The following TMED10 variants were observed in gnomAD, a reference collection of about 807,000 sequenced individuals.
TMED10 encodes transmembrane emp24 domain-containing protein 10.
In TMED10, 7 loss-of-function variants were observed where a neutral mutation model predicts 23.1. The ratio of observed to expected loss-of-function variants is 0.30; its 90% CI spans 0.17 to 0.57. TMED10 has a LOEUF of 0.57. Ranked by LOEUF, TMED10 falls within the 20% of genes least tolerant of loss-of-function variation. TMED10 has a pLI of 0.91. For synonymous variants in TMED10, 113 were observed against 106.9 expected (o/e 1.06, Z -0.35); for missense variants, 162 against 274.8 (o/e 0.59, Z 2.90).
chr14:75,176,426 G>T lies in TMED10; in HGVS notation c.154C>A (p.Leu52Met). Residue 52 changes from leucine (L) to methionine (M), a missense_variant, in exon 1 of 5, where the codon CTG (leucine) becomes ATG (methionine). Physicochemically the swap from Leu to Met is conservative, Grantham distance 15. Transcript: ENST00000303575. ...ATCTCGTACGCGCCAGTCACTAGCA[G>T]GTCCTTGTGAATCTCCTCACGGAGG... Reference protein sequence around the residue: ...KCLREEIHKDLLVTGAYEISD... With the variant: ...KCLREEIHKDMLVTGAYEISD... The T allele has an allele frequency of 3.1e-6, 5 of 1,614,258 alleles. No homozygotes were observed. Among genetic ancestry groups the T allele is most frequent in the Non-Finnish European group, 4.2e-6 (5 of 1,180,052 alleles).
chr14:75,149,993 C>T (rs768429514), intron 2 of TMED10, among the ~76,000 whole-genome samples: 1 of 152,140 alleles, frequency 6.6e-6, no homozygotes, highest in Non-Finnish European at 1.5e-5. Flanking sequence ...GTTCCAGCTA[C>T]TCCGGAGGCT....
intron 3 of TMED10, among the ~76,000 whole-genome samples, chr14:75,146,060 A>T (rs1004821729): frequency 3.3e-5 from 5 of 152,256 alleles, no homozygotes; most frequent in African/African-American, 7.2e-5. Context: ...GTTTAAAAAA[A>T]TTTTTCAATT....
chr14:75,147,836 C>T, intron 2 of TMED10, 99 bp from the exon 3 acceptor site: 2 of 1,163,774 alleles, frequency 1.7e-6, no homozygotes, highest in African/African-American at 3.1e-5. Flanking sequence ...CCCCTACCCT[C>T]TCAATAGAGG....
intron 1 of TMED10, among the ~76,000 whole-genome samples, chr14:75,165,755 T>C (rs1896152574): frequency 6.6e-6 from 1 of 152,214 alleles, no homozygotes; most frequent in South Asian, 2.1e-4. Flanking sequence ...CACTAAATTC[T>C]TTCAAATTTC....
chr14:75,147,958 A>G (rs1895909400), intron 2 of TMED10: 1 of 588,596 alleles, frequency 1.7e-6, no homozygotes, highest in Non-Finnish European at 3.0e-6. Context: ...GGAAAGCAAC[A>G]AGAACATGCT....
chr14:75,152,912 G>C (rs1318067983), intron 1 of TMED10, among the ~76,000 whole-genome samples: 4 of 152,184 alleles, frequency 2.6e-5, no homozygotes, highest in Non-Finnish European at 5.9e-5. Flanking sequence ...GAGGTCAAGA[G>C]ATCAAGACCA....
chr14:75,171,944 T>A (rs1896239312), intron 1 of TMED10, among the ~76,000 whole-genome samples: 1 of 151,938 alleles, frequency 6.6e-6, no homozygotes, highest in Non-Finnish European at 1.5e-5. Flanking sequence ...TTTTTTTTTT[T>A]ACACTTTAAG....
intron 1 of TMED10, among the ~76,000 whole-genome samples, chr14:75,168,629 G>A (rs1175737530): frequency 6.6e-6 from 1 of 152,018 alleles, no homozygotes; most frequent in East Asian, 1.9e-4. Flanking sequence ...CAGAGAAGAA[G>A]GGTTAAGTAA....
intron 3 of TMED10, among the ~76,000 whole-genome samples, chr14:75,140,802 G>A (rs1404258197): frequency 6.6e-6 from 1 of 152,188 alleles, no homozygotes; most frequent in East Asian, 1.9e-4. Flanking sequence ...GCTCATGCCA[G>A]TAATACCAGC....
rs146453868 is a variant in TMED10, at chr14:75,172,393, C to T, written c.225+3962G>A. 8.1e-4 allele frequency among the ~76,000 whole-genome samples: 123 copies of T among 152,024 alleles called. 2 individuals are homozygous for T. The East Asian group carries it at 0.017, about 21-fold the overall frequency. On this transcript the variant is annotated intron_variant, in intron 1 of 4. Transcript: ENST00000303575. ...CACAATCATACTTCACTGCAACTTC[C>T]GCCTCCCAGGTTCAAGAGATTCTCC...
intron 1 of TMED10, among the ~76,000 whole-genome samples, chr14:75,163,282 G>A (rs1896106936): frequency 6.6e-6 from 1 of 151,906 alleles, no homozygotes. Context: ...GCCAGGCGCG[G>A]TGGCTCACGC....
rs764334889 is a variant in TMED10, at chr14:75,135,863, T to C, written c.435A>G (p.Lys145=). The C allele has an allele frequency of 1.7e-5, 27 of 1,613,656 alleles. No homozygotes were observed. In the Admixed American group the frequency reaches 4.3e-4, roughly 26 times the overall value. The change falls in exon 4 of 5, where the codon AAA becomes AAG. Residue 145 remains lysine, a synonymous_variant. Coordinates refer to ENST00000303575, the MANE Select transcript of TMED10 (RefSeq NM_006827.6). ...YEEIAKVEKL[K]PLEVELRRLE... ...GGCGTCGCAGCTCTACCTCTAATGG[T>C]TTGAGCTTCTCAACTTTTGCAATCT...
At chr14:75,146,340 C>T (rs1470433696) in intron 3 of TMED10, among the ~76,000 whole-genome samples, 1 of 152,184 alleles carries the variant, frequency 6.6e-6, no homozygotes, top group African/African-American at 2.4e-5. Flanking sequence ...TAGGATATTT[C>T]CCTTCCAAAG....
At chr14:75,164,532 AATATATATATATAT>A (rs368412262) in intron 1 of TMED10, among the ~76,000 whole-genome samples, 79 of 54,376 alleles carry the variant, frequency 1.5e-3, no homozygotes, top group African/African-American at 2.5e-3. Flanking sequence ...CACCTGGCCT[AATATATATATATAT>A]ATATATATAT....
chr14:75,138,823 T>TA (rs1895786046), intron 3 of TMED10, among the ~76,000 whole-genome samples: 1 of 110,740 alleles, frequency 9.0e-6, no homozygotes, highest in Non-Finnish European at 1.9e-5. Flanking sequence ...TTTTTTTTTT[T>TA]TTTTTTTTTA....
At chr14:75,137,536 G>A (rs747761839) in intron 3 of TMED10, among the ~76,000 whole-genome samples, 2 of 149,878 alleles carry the variant, frequency 1.3e-5, no homozygotes, top group South Asian at 2.1e-4. Context: ...ATAGCTGGGC[G>A]TGGTGGCGGG....
chr14:75,167,995 A>T (rs1248246722), intron 1 of TMED10, among the ~76,000 whole-genome samples: 2 of 152,200 alleles, frequency 1.3e-5, no homozygotes, highest in Non-Finnish European at 2.9e-5. Context: ...AGCCTGATTT[A>T]GCCTCACTTT....
intron 3 of TMED10, among the ~76,000 whole-genome samples, chr14:75,139,720 AT>A (rs1895798476): frequency 6.6e-6 from 1 of 152,020 alleles, no homozygotes. Context: ...TGAAGGTCTC[AT>A]TTTGGTCTCA....
chr14:75,142,384 T>C (rs1425411672), intron 3 of TMED10, among the ~76,000 whole-genome samples: 2 of 152,324 alleles, frequency 1.3e-5, no homozygotes, highest in East Asian at 3.9e-4. Flanking sequence ...CTTAACTCCC[T>C]ACCCAGGGTG....
Sources: gnomAD v4.1 joint callset for allele counts (sites outside exome capture counted in the v4.1 genomes callset) on GRCh38, gnomAD v4.1.1 for gene constraint, MANE v1.5 for transcripts, NCBI Gene and HGNC (gene_info 2026-07-23, HGNC 2026-07-21) for gene names.